CYP4X1: variants seen among roughly 807,000 people sequenced by gnomAD.
CYP4X1 encodes the protein cytochrome P450 4X1.
CYP4X1 carries 44 observed loss-of-function variants against 57.9 expected under a neutral mutation model. That is an observed-to-expected ratio of 0.76 (90% CI 0.60 to 0.98). CYP4X1 has a LOEUF of 0.98. Among genes scored for constraint, CYP4X1 ranks in the 50% least tolerant of loss-of-function variants. The probability of loss-of-function intolerance (pLI) is 0.00; values close to 1 mark genes in which losing one functional copy is unlikely to be tolerated. For synonymous variants in CYP4X1, 227 were observed against 228.6 expected (o/e 0.99, Z 0.06); for missense variants, 532 against 623.9 (o/e 0.85, Z 1.57).
chr1:46,997,151 T>A, the CYP4X1 span, among the ~76,000 whole-genome samples: 3 of 151,886 alleles, frequency 2.0e-5, no homozygotes, highest in Non-Finnish European at 4.4e-5. Flanking sequence ...TGCAGAAGTA[T>A]TTTTTTTGTA....
At chr1:47,052,005 G>T (rs1168533779), downstream of CYP4X1, among the ~76,000 whole-genome samples, 1 of 151,950 alleles carries the variant, frequency 6.6e-6, no homozygotes, top group Non-Finnish European at 1.5e-5. Flanking sequence ...TGTCTCTGGG[G>T]TCTTACCTAT....
chr1:47,003,441 T>C, the CYP4X1 span, among the ~76,000 whole-genome samples: 6 of 152,162 alleles, frequency 3.9e-5, no homozygotes, highest in African/African-American at 9.7e-5. Context: ...CTCTTAATTG[T>C]TGGATTAGGC....
chr1:46,986,582 T>G, the CYP4X1 span, among the ~76,000 whole-genome samples: 1 of 151,734 alleles, frequency 6.6e-6, no homozygotes, highest in African/African-American at 2.4e-5. Flanking sequence ...CATATAATTG[T>G]CAGACTCACC....
At chr1:47,045,793 A>C (rs1170101903) in intron 8 of CYP4X1, among the ~76,000 whole-genome samples, 2 of 152,236 alleles carry the variant, frequency 1.3e-5, no homozygotes, top group Non-Finnish European at 2.9e-5. Context: ...AGAACTTTCC[A>C]GAGGTGATTC....
At chr1:46,999,422 T>C in the CYP4X1 span, among the ~76,000 whole-genome samples, 1 of 152,192 alleles carries the variant, frequency 6.6e-6, no homozygotes, top group Non-Finnish European at 1.5e-5. Flanking sequence ...TAATGTTACC[T>C]TTGTTATTTC....
chr1:47,038,751 T>C lies in CYP4X1; in HGVS notation c.867T>C (p.Ile289=). The part of the protein sequence containing the change: ...PKRKYQDFLD[I]VLSAKDESGS... The stretch of plus-strand genomic sequence containing the variant: ...GGAAGTACCAGGATTTTCTGGATAT[T>C]GTCCTTTCTGCCAAGGTAAATCTTC... Residue 289 remains isoleucine, a synonymous_variant, in exon 7 of 12, where the codon ATT becomes ATC. Transcript: ENST00000371901. 6.2e-7 allele frequency: 1 copy of C among 1,609,762 alleles called. No individual in the cohort carries two copies. Among genetic ancestry groups the C allele is most frequent in the Non-Finnish European group, 8.5e-7 (1 of 1,177,990 alleles).
At position 47,025,721 on chromosome 1, in the gene CYP4X1, T is replaced by A. The variant is rs576559748; in HGVS notation, c.177+1727T>A. Among the ~76,000 whole-genome samples the A allele has an allele frequency of 1.2e-3, 186 of 152,326 alleles. 1 individual carries two copies. Among genetic ancestry groups the A allele is most frequent in the African/African-American group, 3.9e-3 (163 of 41,574 alleles). On this transcript the variant is annotated intron_variant, in intron 1 of 11. Coordinates refer to ENST00000371901, the MANE Select transcript of CYP4X1 (RefSeq NM_178033.2). ...ATTTTTTTCCAAATCCTCTAATAGA[T>A]CTGTCAAACACATCTAAATAATATT...
the CYP4X1 span, among the ~76,000 whole-genome samples, chr1:46,986,902 C>A: frequency 6.6e-6 from 1 of 152,090 alleles, no homozygotes; most frequent in Non-Finnish European, 1.5e-5. Context: ...AAAAAAAAAC[C>A]AGTACCAGCC....
the CYP4X1 span, among the ~76,000 whole-genome samples, chr1:46,990,536 A>C: frequency 7.2e-5 from 11 of 152,226 alleles, no homozygotes; most frequent in Admixed American, 2.6e-4. Flanking sequence ...TTGACCCAGC[A>C]ATCCGATTAC....
the CYP4X1 span, among the ~76,000 whole-genome samples, chr1:47,000,086 T>C: frequency 6.6e-6 from 1 of 152,142 alleles, no homozygotes; most frequent in East Asian, 1.9e-4. Context: ...AGGAGGGACC[T>C]GGTGGGAGGT....
At chr1:46,995,934 A>T in the CYP4X1 span, among the ~76,000 whole-genome samples, 3 of 152,092 alleles carry the variant, frequency 2.0e-5, no homozygotes, top group African/African-American at 7.2e-5. Flanking sequence ...CCTGGTTTTT[A>T]TTCACCCCCT....
intron 6 of CYP4X1, among the ~76,000 whole-genome samples, 199 bp downstream of exon 6, chr1:47,036,370 T>TTATATG (rs1553152518): frequency 6.9e-5 from 9 of 129,838 alleles, no homozygotes; most frequent in African/African-American, 2.5e-4. Flanking sequence ...ATCAGAATTT[T>TTATATG]TATATATATA....
chr1:46,962,549 C>T, the CYP4X1 span, among the ~76,000 whole-genome samples: 1 of 152,132 alleles, frequency 6.6e-6, no homozygotes, highest in African/African-American at 2.4e-5. Context: ...AAGTTAAAAA[C>T]GTTGAAAAAA....
At chr1:47,032,295 G>GT (rs746629615) in intron 3 of CYP4X1, among the ~76,000 whole-genome samples, 5 of 152,132 alleles carry the variant, frequency 3.3e-5, no homozygotes, top group Non-Finnish European at 5.9e-5. Flanking sequence ...ATATAGGCTT[G>GT]TATTAGGAAC....
intron 6 of CYP4X1, among the ~76,000 whole-genome samples, chr1:47,036,819 G>A (rs1389610370): frequency 6.6e-6 from 1 of 152,164 alleles, no homozygotes; most frequent in East Asian, 1.9e-4. Context: ...TTGTTACGAT[G>A]AGTGGGTTAA....
At chr1:47,034,305 A>G (rs2148508769) in intron 4 of CYP4X1, among the ~76,000 whole-genome samples, 1 of 152,272 alleles carries the variant, frequency 6.6e-6, no homozygotes, top group South Asian at 2.1e-4. Context: ...GTGGAGGATC[A>G]TTAGGCCCTG....
At chr1:46,999,922 A>C in the CYP4X1 span, among the ~76,000 whole-genome samples, 4 of 152,048 alleles carry the variant, frequency 2.6e-5, no homozygotes, top group African/African-American at 4.8e-5. Flanking sequence ...TTAATGCTAG[A>C]ATGAGTTAAG....
chr1:47,034,288 G>A (rs929401124), intron 4 of CYP4X1, among the ~76,000 whole-genome samples: 1 of 152,198 alleles, frequency 6.6e-6, no homozygotes, highest in Admixed American at 6.5e-5. Flanking sequence ...ATTTCCTCTT[G>A]TAGATAGTGG....
At chr1:46,988,101 G>A in the CYP4X1 span, among the ~76,000 whole-genome samples, 1 of 151,968 alleles carries the variant, frequency 6.6e-6, no homozygotes, top group African/African-American at 2.4e-5. Context: ...CCAGGAGCTG[G>A]GTTTTTGAAA....
Sources: gnomAD v4.1 joint callset for allele counts (sites outside exome capture counted in the v4.1 genomes callset) on GRCh38, gnomAD v4.1.1 for gene constraint, MANE v1.5 for transcripts, NCBI Gene and HGNC (gene_info 2026-07-23, HGNC 2026-07-21) for gene names.